Variants in EBF2 observed in about 807,000 individuals in gnomAD.
The protein encoded by EBF2 is EBF transcription factor 2, also known as transcription factor COE2.
Under a neutral mutation model 72.8 loss-of-function variants are expected in EBF2, and 21 were observed. The observed-to-expected ratio is 0.29, with a 90% CI of 0.20 to 0.42. The LOEUF (loss-of-function observed/expected upper bound fraction) is 0.42. Ranked by LOEUF, EBF2 falls within the 10% of genes least tolerant of loss-of-function variation. The probability of loss-of-function intolerance (pLI) is 1.00; values close to 1 mark genes in which losing one functional copy is unlikely to be tolerated. For missense variants in EBF2, 637 were observed against 731.2 expected, an observed-to-expected ratio of 0.87 and a Z score of 1.49; for synonymous variants, 299 against 274.2, an observed-to-expected ratio of 1.09 and a Z score of -0.89.
chr8:25,886,902 G>T (rs543590179), intron 9 of EBF2, 21 bp from the exon 10 acceptor site: 1 of 1,609,100 alleles, frequency 6.2e-7, no homozygotes, highest in African/African-American at 1.3e-5. Context: ...AACAGGCAGG[G>T]AAATAAAATA....
At chr8:25,964,809 T>G (rs917062682) in intron 6 of EBF2, among the ~76,000 whole-genome samples, 4 of 152,308 alleles carry the variant, frequency 2.6e-5, no homozygotes, top group African/African-American at 9.6e-5. Flanking sequence ...CAGTAGATAA[T>G]TGTTGTAAAG....
intron 9 of EBF2, among the ~76,000 whole-genome samples, chr8:25,887,184 CA>C (rs959701430): frequency 6.6e-6 from 1 of 151,958 alleles, no homozygotes; most frequent in South Asian, 2.1e-4. Flanking sequence ...CCTCTCAACT[CA>C]ACCAATGTAG....
chr8:26,022,761 A>G (rs1249974958), intron 6 of EBF2, among the ~76,000 whole-genome samples: 1 of 152,180 alleles, frequency 6.6e-6, no homozygotes, highest in Non-Finnish European at 1.5e-5. Context: ...TGAGGTTACA[A>G]CAAAACTTCT....
At chr8:25,990,786 C>T (rs977373905) in intron 6 of EBF2, among the ~76,000 whole-genome samples, 6 of 152,330 alleles carry the variant, frequency 3.9e-5, no homozygotes, top group Admixed American at 2.6e-4. Flanking sequence ...AACTCAGTAC[C>T]TTATAATTAT....
intron 6 of EBF2, among the ~76,000 whole-genome samples, chr8:25,945,800 T>C (rs1197993186): frequency 3.3e-5 from 5 of 152,004 alleles, no homozygotes; most frequent in Admixed American, 1.3e-4. Context: ...GGTGGCTAAA[T>C]TGATCAGCAG....
At chr8:25,852,982 G>A (rs1802014460) in intron 14 of EBF2, among the ~76,000 whole-genome samples, 1 of 152,108 alleles carries the variant, frequency 6.6e-6, no homozygotes, top group African/African-American at 2.4e-5. Flanking sequence ...GAGCAAAATA[G>A]AGTTCAGAAA....
intron 7 of EBF2, among the ~76,000 whole-genome samples, chr8:25,898,568 G>A (rs1044853770): frequency 6.6e-6 from 1 of 151,964 alleles, no homozygotes; most frequent in African/African-American, 2.4e-5. Flanking sequence ...TCCCACCCTA[G>A]CTCATTTTAT....
At chr8:25,878,838 T>A (rs1802563191) in intron 10 of EBF2, among the ~76,000 whole-genome samples, 1 of 152,198 alleles carries the variant, frequency 6.6e-6, no homozygotes, top group South Asian at 2.1e-4. Context: ...TCACTCCGAC[T>A]GCCCCCGAAG....
chr8:25,964,226 G>A (rs367938628), intron 6 of EBF2, among the ~76,000 whole-genome samples: 3 of 150,236 alleles, frequency 2.0e-5, no homozygotes, highest in East Asian at 1.9e-4. Flanking sequence ...CGAGAGCTTC[G>A]GTGAGTGTCT....
intron 7 of EBF2, 79 bp downstream of exon 7, chr8:25,908,395 A>T: frequency 8.7e-7 from 1 of 1,150,886 alleles, no homozygotes; most frequent in South Asian, 1.4e-5. Flanking sequence ...TTTTTAAAGA[A>T]AAAGAAAATA....
In EBF2 at chr8:25,889,787, T is replaced by G. The variant is rs1802748048; in HGVS notation, c.716A>C (p.His239Pro). The change falls in exon 8 of 16, where the codon CAT becomes CCT. Residue 239 changes from histidine (H) to proline (P), a missense_variant. By Grantham distance (77) the His-to-Pro change is moderately conservative. Coordinates refer to ENST00000520164, the MANE Select transcript of EBF2 (RefSeq NM_022659.4). ...DNMFVHNNSK[H>P]GRRARRLDPS... ...ATCGAGTCTTCTTGCTCTCCGTCCATGCTTGGAGTTGTTATGAACAAACAT... is the reference window on the plus strand; with the variant it reads ...ATCGAGTCTTCTTGCTCTCCGTCCAGGCTTGGAGTTGTTATGAACAAACAT... The G allele has an allele frequency of 6.2e-7, 1 of 1,614,078 alleles. No individual in the cohort carries two copies. The highest frequency in any genetic ancestry group is 1.7e-5 in the Admixed American group (1 of 60,020).
intron 10 of EBF2, among the ~76,000 whole-genome samples, chr8:25,873,275 T>C (rs902959163): frequency 1.3e-5 from 2 of 152,226 alleles, no homozygotes; most frequent in African/African-American, 4.8e-5. Flanking sequence ...TTTATTTCTC[T>C]GTGAAGACAA....
At chr8:25,889,629 A>G in intron 8 of EBF2, 123 bp downstream of exon 8, 1 of 766,674 alleles carries the variant, frequency 1.3e-6, no homozygotes, top group Non-Finnish European at 2.1e-6. Flanking sequence ...TTTAAAAAAA[A>G]AAAAACCCAC....
chr8:25,930,596 A>C (rs1467931371), intron 6 of EBF2, among the ~76,000 whole-genome samples: 1 of 152,200 alleles, frequency 6.6e-6, no homozygotes, highest in African/African-American at 2.4e-5. Context: ...TATGGAAGTC[A>C]ATGACATCCA....
intron 6 of EBF2, among the ~76,000 whole-genome samples, chr8:26,012,519 A>C (rs529412047): frequency 6.6e-6 from 1 of 152,178 alleles, no homozygotes; most frequent in Non-Finnish European, 1.5e-5. Flanking sequence ...GGTATCTCCT[A>C]TATAAAACAG....
At chr8:25,949,039 A>T (rs1237981487) in intron 6 of EBF2, among the ~76,000 whole-genome samples, 1 of 152,190 alleles carries the variant, frequency 6.6e-6, no homozygotes, top group African/African-American at 2.4e-5. Context: ...CATCATCATC[A>T]CCACCATCAT....
At position 26,019,930 on chromosome 8, in the gene EBF2, C is replaced by A. The variant is rs183557633; in HGVS notation, c.551+13155G>T. On this transcript the variant is annotated intron_variant, in intron 6 of 15. Coordinates refer to ENST00000520164, the MANE Select transcript of EBF2 (RefSeq NM_022659.4). ...GAGAAGTGGGGAGGCACAGCTCCAC[C>A]TTCTCTGCAGAGAAGGAATGTTTCT... 3.2e-3 allele frequency among the ~76,000 whole-genome samples: 483 copies of A among 152,250 alleles called. 12 individuals carry two copies. The highest frequency in any genetic ancestry group is 0.028 in the Admixed American group (432 of 15,290).
intron 6 of EBF2, among the ~76,000 whole-genome samples, chr8:26,016,326 T>A (rs1805110629): frequency 6.6e-6 from 1 of 152,212 alleles, no homozygotes; most frequent in Admixed American, 6.5e-5. Context: ...GAGGCAGATA[T>A]CAGCAAAGTT....
In EBF2 at chr8:25,887,002, A is replaced by G. The variant is rs1585276419; in HGVS notation, c.883-121T>C. On this transcript the variant is annotated intron_variant, in intron 9 of 15. Coordinates refer to ENST00000520164, the MANE Select transcript of EBF2 (RefSeq NM_022659.4). ...GGCTTCTTTCTCTCTGCTCTACTCT[A>G]ACTGGAGTACTCCTAGCTCCAAATG... The G allele has an allele frequency of 2.8e-6, 3 of 1,065,988 alleles. No individual in the cohort carries two copies. In the East Asian group the frequency reaches 7.9e-5, roughly 28 times the overall value. 66.0% of individuals were successfully genotyped at this position (1,065,988 alleles called of 1,614,324 possible).
Sources: gnomAD v4.1 joint callset for allele counts (sites outside exome capture counted in the v4.1 genomes callset) on GRCh38, gnomAD v4.1.1 for gene constraint, MANE v1.5 for transcripts, NCBI Gene and HGNC (gene_info 2026-07-23, HGNC 2026-07-21) for gene names.